MARCHF5: variants seen among roughly 807,000 people sequenced by gnomAD.
MARCHF5 encodes E3 ubiquitin-protein ligase MARCHF5.
MARCHF5 carries 5 observed loss-of-function variants against 36.5 expected under a neutral mutation model. The ratio of observed to expected loss-of-function variants is 0.14; its 90% CI spans 0.07 to 0.29. MARCHF5 has a LOEUF of 0.29. Among genes scored for constraint, MARCHF5 ranks in the 10% least tolerant of loss-of-function variants. The pLI is 1.00. For missense variants in MARCHF5, 179 were observed against 336.3 expected, an observed-to-expected ratio of 0.53 and a Z score of 3.66; for synonymous variants, 103 against 109.9, an observed-to-expected ratio of 0.94 and a Z score of 0.39.
intron 2 of MARCHF5, among the ~76,000 whole-genome samples, chr10:92,336,038 T>G (rs959106975): frequency 6.6e-6 from 1 of 152,084 alleles, no homozygotes; most frequent in Non-Finnish European, 1.5e-5. Flanking sequence ...TGTTTTTGTT[T>G]TTTTGGTTTT....
intron 2 of MARCHF5, among the ~76,000 whole-genome samples, chr10:92,327,829 G>A (rs994005119): frequency 2.0e-4 from 30 of 151,940 alleles, no homozygotes; most frequent in Admixed American, 2.0e-3. Context: ...GATAAACAGG[G>A]CGAAGTCAAC....
chr10:92,346,664 A>G (rs542448026), intron 3 of MARCHF5, among the ~76,000 whole-genome samples: 3 of 151,576 alleles, frequency 2.0e-5, no homozygotes, highest in Admixed American at 6.6e-5. Context: ...TGTATTTTTA[A>G]TAGAAACGGG....
chr10:92,296,891 T>C (rs1380122056), intron 1 of MARCHF5, among the ~76,000 whole-genome samples: 1 of 152,192 alleles, frequency 6.6e-6, no homozygotes, highest in East Asian at 1.9e-4. Context: ...TATAAACAAT[T>C]TCACATTTTC....
intron 1 of MARCHF5, among the ~76,000 whole-genome samples, chr10:92,310,688 A>G (rs1843134695): frequency 6.6e-6 from 1 of 152,128 alleles, no homozygotes; most frequent in African/African-American, 2.4e-5. Context: ...ATGAGACTGT[A>G]TGTGAAATCA....
chr10:92,300,162 C>CAA (rs377259892), intron 1 of MARCHF5, among the ~76,000 whole-genome samples: 94 of 135,882 alleles, frequency 6.9e-4, no homozygotes, highest in Middle Eastern at 7.4e-3. Flanking sequence ...GACCTTGTCT[C>CAA]AAAAAAAAAA....
At chr10:92,324,684 T>G (rs1843333176) in intron 2 of MARCHF5, among the ~76,000 whole-genome samples, 1 of 152,218 alleles carries the variant, frequency 6.6e-6, no homozygotes, top group Non-Finnish European at 1.5e-5. Flanking sequence ...ATCATAATTT[T>G]TGTTGGGTTT....
At position 92,340,688 on chromosome 10, in the gene MARCHF5, T is replaced by C. The variant is rs759741174; in HGVS notation, c.254T>C (p.Val85Ala). ...VFPKLGPVVY[V>A]LDLADRLISK... Reference sequence around the variant, plus strand: ...TGTGTTATAGGTCCAGTGGTTTACGTCTTGGATCTTGCAGATAGACTGATC... The same window carrying C: ...TGTGTTATAGGTCCAGTGGTTTACGCCTTGGATCTTGCAGATAGACTGATC... Residue 85 changes from valine to alanine, a missense_variant, in exon 3 of 6, where the codon GTC (valine) becomes GCC (alanine). By Grantham distance (64) the Val-to-Ala change is moderately conservative. Transcript: ENST00000358935. 2 of 1,612,582 alleles carry C rather than the reference T, an allele frequency of 1.2e-6. No homozygotes were observed. The highest frequency in any genetic ancestry group is 2.2e-5 in the South Asian group (2 of 90,666).
chr10:92,347,754 C>T (rs531924908), intron 3 of MARCHF5, among the ~76,000 whole-genome samples: 2 of 152,122 alleles, frequency 1.3e-5, no homozygotes, highest in Admixed American at 1.3e-4. Context: ...ATATCAAATT[C>T]GATGACATTA....
At chr10:92,310,161 A>G (rs1417147725) in intron 1 of MARCHF5, among the ~76,000 whole-genome samples, 3 of 152,214 alleles carry the variant, frequency 2.0e-5, no homozygotes, top group Non-Finnish European at 2.9e-5. Flanking sequence ...CCCACTGAGC[A>G]TAGTTAAGCT....
chr10:92,350,947 G>C (rs180943264), intron 5 of MARCHF5, 144 bp from the exon 6 acceptor site: 1 of 604,836 alleles, frequency 1.7e-6, no homozygotes, highest in East Asian at 2.9e-5. Flanking sequence ...TCTCCTAGTA[G>C]AAAAAGAAAA....
At chr10:92,348,546 G>C (rs1843683492) in intron 3 of MARCHF5, among the ~76,000 whole-genome samples, 1 of 151,960 alleles carries the variant, frequency 6.6e-6, no homozygotes, top group Admixed American at 6.5e-5. Flanking sequence ...AAGTGAAAAG[G>C]ATTTTGGAGA....
chr10:92,342,657 T>G (rs1216202534), intron 3 of MARCHF5, among the ~76,000 whole-genome samples: 5 of 152,196 alleles, frequency 3.3e-5, no homozygotes, highest in Non-Finnish European at 5.9e-5. Context: ...ATGAATCCTC[T>G]TAAAATAGTA....
chr10:92,324,584 G>A (rs1028266100), intron 2 of MARCHF5, among the ~76,000 whole-genome samples: 1 of 152,098 alleles, frequency 6.6e-6, no homozygotes, highest in African/African-American at 2.4e-5. Context: ...GGATGGTCTT[G>A]ATCTCCTGAC....
intron 2 of MARCHF5, among the ~76,000 whole-genome samples, chr10:92,328,817 A>ATT (rs1343619682): frequency 0.092 from 7,839 of 85,638 alleles, 374 homozygotes; most frequent in Middle Eastern, 0.18. Context: ...ATATATATAT[A>ATT]TATATTTTTT....
intron 2 of MARCHF5, among the ~76,000 whole-genome samples, chr10:92,317,223 G>A (rs997109559): frequency 4.6e-5 from 7 of 151,654 alleles, no homozygotes; most frequent in East Asian, 1.9e-4. Context: ...CTCCTGCCTC[G>A]GCCTCCCTGG....
At chr10:92,323,968 A>C (rs1843323083) in intron 2 of MARCHF5, among the ~76,000 whole-genome samples, 2 of 152,216 alleles carry the variant, frequency 1.3e-5, no homozygotes, top group African/African-American at 4.8e-5. Flanking sequence ...GTTTTGTAAG[A>C]AGCCTTGAAA....
At chr10:92,332,933 G>A (rs1843454713) in intron 2 of MARCHF5, among the ~76,000 whole-genome samples, 1 of 152,038 alleles carries the variant, frequency 6.6e-6, no homozygotes, top group Admixed American at 6.5e-5. Context: ...GGGAGGGCAA[G>A]GCGGGCGGAT....
chr10:92,321,851 T>A (rs1843291643), intron 2 of MARCHF5, among the ~76,000 whole-genome samples: 1 of 152,090 alleles, frequency 6.6e-6, no homozygotes, highest in South Asian at 2.1e-4. Flanking sequence ...TTTTTAATAA[T>A]CCTTTTCATT....
intron 2 of MARCHF5, among the ~76,000 whole-genome samples, chr10:92,313,647 A>G (rs1811064931): frequency 6.6e-6 from 1 of 152,064 alleles, no homozygotes; most frequent in African/African-American, 2.4e-5. Context: ...CACACCTGTA[A>G]TCCCAACACT....
Sources: gnomAD v4.1 joint callset for allele counts (sites outside exome capture counted in the v4.1 genomes callset) on GRCh38, gnomAD v4.1.1 for gene constraint, MANE v1.5 for transcripts, NCBI Gene and HGNC (gene_info 2026-07-23, HGNC 2026-07-21) for gene names.